Variants in NTM observed in about 807,000 individuals in gnomAD.
The protein encoded by NTM is neurotrimin, also known as IgLON family member 2.
NTM carries 13 observed loss-of-function variants against 42.1 expected under a neutral mutation model. The ratio of observed to expected loss-of-function variants is 0.31; its 90% CI spans 0.20 to 0.49. The LOEUF is 0.49. NTM is among the 20% of genes least tolerant of loss of function. The pLI is 0.99. For synonymous variants in NTM, 187 were observed against 179.2 expected (o/e 1.04, Z -0.35); for missense variants, 373 against 452.8 (o/e 0.82, Z 1.60).
intron 1 of NTM, among the ~76,000 whole-genome samples, chr11:131,819,756 C>T (rs988835044): frequency 6.6e-6 from 1 of 152,206 alleles, no homozygotes; most frequent in Non-Finnish European, 1.5e-5. Context: ...GTGTTCGGGG[C>T]TGTGACAGAA....
intron 2 of NTM, among the ~76,000 whole-genome samples, chr11:131,916,100 G>C (rs113336513): frequency 0.015 from 2,283 of 152,300 alleles, 43 homozygotes; most frequent in African/African-American, 0.049. Context: ...AAACGTGGGC[G>C]ATCACGCTGT....
intron 1 of NTM, among the ~76,000 whole-genome samples, chr11:131,736,994 C>T (rs74918052): frequency 0.031 from 4,773 of 152,288 alleles, 293 homozygotes; most frequent in African/African-American, 0.11. Flanking sequence ...CAGTGACTCT[C>T]CTCAGGGGGC....
At chr11:131,446,987 A>G (rs1950109200) in intron 1 of NTM, among the ~76,000 whole-genome samples, 1 of 152,256 alleles carries the variant, frequency 6.6e-6, no homozygotes, top group Non-Finnish European at 1.5e-5. Flanking sequence ...GAAAGGAAAG[A>G]TAGAAATGGA....
intron 1 of NTM, among the ~76,000 whole-genome samples, chr11:131,892,259 T>G (rs2051482270): frequency 6.6e-6 from 1 of 152,220 alleles, no homozygotes; most frequent in African/African-American, 2.4e-5. Context: ...GGTAGCTGGG[T>G]GAGAATTACA....
chr11:131,461,092 A>C (rs1951330047), intron 1 of NTM, among the ~76,000 whole-genome samples: 1 of 152,228 alleles, frequency 6.6e-6, no homozygotes, highest in African/African-American at 2.4e-5. Context: ...GAAATTGTGA[A>C]GATGAGGGTA....
rs184535950 is a variant in NTM at position 131,753,827 on chromosome 11, G to A, written c.83-157737G>A. Among the ~76,000 whole-genome samples the A allele has an allele frequency of 4.0e-3, 581 of 146,586 alleles. 5 individuals are homozygous for A. Among genetic ancestry groups the A allele is most frequent in the African/African-American group, 0.013 (530 of 40,088 alleles). On this transcript the variant is annotated intron_variant, in intron 1 of 8. Coordinates refer to ENST00000683400, the MANE Select transcript of NTM (RefSeq NM_001352005.2). ...TTAATGGGTGCAGCACACCAGCATG[G>A]CACATGTATACATATGTAACTAACC...
chr11:132,033,533 T>C (rs1252377385), intron 2 of NTM, among the ~76,000 whole-genome samples: 3 of 152,116 alleles, frequency 2.0e-5, no homozygotes, highest in East Asian at 1.9e-4. Context: ...GTCACAAACA[T>C]TGAGATCTGA....
At chr11:132,170,934 C>T (rs1324114150) in intron 3 of NTM, among the ~76,000 whole-genome samples, 4 of 152,140 alleles carry the variant, frequency 2.6e-5, no homozygotes, top group Non-Finnish European at 5.9e-5. Context: ...TAAGTCTTCC[C>T]TTCTTCTGCT....
intron 2 of NTM, among the ~76,000 whole-genome samples, chr11:131,931,798 G>A (rs879800681): frequency 5.3e-5 from 8 of 152,100 alleles, no homozygotes; most frequent in Non-Finnish European, 1.2e-4. Context: ...GCGGTTTTGG[G>A]GAGAAGTGGT....
At chr11:132,140,929 G>A (rs574276405) in intron 2 of NTM, 7 of 152,306 alleles carry the variant, frequency 4.6e-5, no homozygotes, top group African/African-American at 1.7e-4. Flanking sequence ...GCTGCGAAGG[G>A]CGAAAGCACT....
At chr11:131,543,928 A>G (rs2053603937) in intron 1 of NTM, among the ~76,000 whole-genome samples, 1 of 152,238 alleles carries the variant, frequency 6.6e-6, no homozygotes, top group South Asian at 2.1e-4. Context: ...ATTACAGGCC[A>G]CAGCTCCTGC....
intron 1 of NTM, among the ~76,000 whole-genome samples, chr11:131,413,830 A>G (rs1425419321): frequency 6.6e-6 from 1 of 152,090 alleles, no homozygotes; most frequent in African/African-American, 2.4e-5. Context: ...AGGCAGGAAA[A>G]ATGAGTCCAC....
intron 1 of NTM, among the ~76,000 whole-genome samples, chr11:131,895,068 T>C (rs1417323916): frequency 6.6e-6 from 1 of 152,176 alleles, no homozygotes; most frequent in Non-Finnish European, 1.5e-5. Context: ...TCTGGAGGGA[T>C]TCTGCTGAGA....
chr11:131,484,281 G>A (rs896483408), intron 1 of NTM, among the ~76,000 whole-genome samples: 1 of 152,154 alleles, frequency 6.6e-6, no homozygotes, highest in Non-Finnish European at 1.5e-5. Flanking sequence ...AAAAGAGAGA[G>A]AGACAGACTA....
intron 2 of NTM, among the ~76,000 whole-genome samples, chr11:132,008,232 TG>T (rs2071261988): frequency 6.6e-6 from 1 of 152,166 alleles, no homozygotes; most frequent in Non-Finnish European, 1.5e-5. Context: ...TCGCCACTTA[TG>T]GGATGCATCT....
chr11:132,321,052 T>C (rs1004157372), intron 7 of NTM, among the ~76,000 whole-genome samples: 10 of 151,310 alleles, frequency 6.6e-5, no homozygotes, highest in Non-Finnish European at 1.5e-4. Flanking sequence ...AGACCAAAAG[T>C]AGATAAAACC....
At chr11:131,585,623 G>T (rs551609483) in intron 1 of NTM, among the ~76,000 whole-genome samples, 11 of 152,270 alleles carry the variant, frequency 7.2e-5, no homozygotes, top group Non-Finnish European at 1.3e-4. Flanking sequence ...GCCCAGAGTC[G>T]AGTAGAGTTT....
intron 4 of NTM, among the ~76,000 whole-genome samples, chr11:132,236,482 A>C (rs1384185846): frequency 6.6e-6 from 1 of 152,102 alleles, no homozygotes; most frequent in Non-Finnish European, 1.5e-5. Context: ...AGGAATATAC[A>C]CCTCTAAAAG....
In NTM at chr11:132,097,129, G is replaced by A. The variant is rs74477414; in HGVS notation, c.168-49153G>A. ...CAATGTTCCTGTAAATGGAATTCCT[G>A]AGAATTTAGGTTACAGAGAGGCTGC... On this transcript the variant is annotated intron_variant, in intron 2 of 8. Coordinates refer to ENST00000683400, the MANE Select transcript of NTM (RefSeq NM_001352005.2). 3.9e-4 allele frequency among the ~76,000 whole-genome samples: 59 copies of A among 152,322 alleles called. No individual in the cohort carries two copies. In the East Asian group the frequency reaches 4.8e-3, roughly 12 times the overall value.
Sources: allele counts gnomAD v4.1 joint callset (sites outside exome capture counted in the v4.1 genomes callset), GRCh38; gene constraint gnomAD v4.1.1; transcripts MANE v1.5; gene names NCBI Gene and HGNC (gene_info 2026-07-23, HGNC 2026-07-21).